The following CDH13 variants were observed in gnomAD, a reference collection of about 807,000 sequenced individuals.
CDH13 encodes cadherin 13.
Under a neutral mutation model 63.8 loss-of-function variants are expected in CDH13, and 24 were observed. That is an observed-to-expected ratio of 0.38 (90% CI 0.27 to 0.53). The LOEUF is 0.53. Among genes scored for constraint, CDH13 ranks in the 20% least tolerant of loss-of-function variants. The pLI, the probability that CDH13 is intolerant of heterozygous loss-of-function variation, is 0.85. For missense variants in CDH13, 1,049 were observed against 903.1 expected (o/e 1.16, Z -2.07); for synonymous variants, 503 against 355.3 (o/e 1.42, Z -4.67).
intron 5 of CDH13, among the ~76,000 whole-genome samples, chr16:83,274,774 C>A (rs1270758847): frequency 1.3e-5 from 2 of 152,216 alleles, no homozygotes; most frequent in Middle Eastern, 3.4e-3. Flanking sequence ...CACGCCAGAT[C>A]TACTACTAAG....
intron 2 of CDH13, among the ~76,000 whole-genome samples, chr16:82,962,831 A>G (rs745771546): frequency 6.6e-6 from 1 of 152,210 alleles, no homozygotes; most frequent in Non-Finnish European, 1.5e-5. Context: ...TGAAATAGAA[A>G]CAAACTTAAA....
chr16:83,331,680 T>C (rs2090483402), intron 5 of CDH13, among the ~76,000 whole-genome samples: 2 of 152,242 alleles, frequency 1.3e-5, no homozygotes, highest in Admixed American at 1.3e-4. Context: ...ATAATCTTGA[T>C]AGTGGAATGC....
chr16:83,127,847 C>T (rs1215895781), intron 4 of CDH13, among the ~76,000 whole-genome samples: 1 of 152,172 alleles, frequency 6.6e-6, no homozygotes, highest in Non-Finnish European at 1.5e-5. Flanking sequence ...ATACCTTTCT[C>T]TAAGCAAAAA....
chr16:82,671,145 G>A (rs7190356), intron 1 of CDH13, among the ~76,000 whole-genome samples: 44,809 of 152,142 alleles, frequency 0.29, 6,654 homozygotes, highest in East Asian at 0.39. Flanking sequence ...AGTCTGTGCA[G>A]TGCTACAGCT....
chr16:83,395,658 G>A (rs545877776), intron 6 of CDH13, among the ~76,000 whole-genome samples: 2 of 152,318 alleles, frequency 1.3e-5, no homozygotes, highest in African/African-American at 4.8e-5. Context: ...ATGTAGGTCA[G>A]TAGTGATAGC....
chr16:83,118,216 T>G (rs1261883614), intron 3 of CDH13, among the ~76,000 whole-genome samples: 1 of 152,044 alleles, frequency 6.6e-6, no homozygotes, highest in Non-Finnish European at 1.5e-5. Flanking sequence ...AGAACCTCAC[T>G]CTCCTCTGCA....
chr16:83,052,801 A>AAAAAAAAAAAAAAAAGAAAGAAAG (rs1555571697), intron 3 of CDH13, among the ~76,000 whole-genome samples: 3 of 122,644 alleles, frequency 2.4e-5, no homozygotes, highest in African/African-American at 1.0e-4. Flanking sequence ...AAAAAAAAAA[A>AAAAAAAAAAAAAAAAGAAAGAAAG]AAAGAAAGAA....
At chr16:83,329,481 GC>G (rs2090437374) in intron 5 of CDH13, among the ~76,000 whole-genome samples, 1 of 151,722 alleles carries the variant, frequency 6.6e-6, no homozygotes, top group Admixed American at 6.6e-5. Context: ...AGGTGATGTG[GC>G]CACCTCGATC....
intron 3 of CDH13, among the ~76,000 whole-genome samples, chr16:83,094,363 C>T (rs944595388): frequency 1.3e-5 from 2 of 152,110 alleles, no homozygotes; most frequent in African/African-American, 4.8e-5. Context: ...TATTTTCACG[C>T]CTGAAAGATG....
intron 3 of CDH13, among the ~76,000 whole-genome samples, chr16:83,093,435 C>T (rs2034029917): frequency 1.3e-5 from 2 of 149,024 alleles, no homozygotes; most frequent in South Asian, 4.3e-4. Context: ...TCTCCTGCCT[C>T]AGCCTACTGA....
intron 2 of CDH13, among the ~76,000 whole-genome samples, chr16:82,965,563 A>G (rs911964928): frequency 1.3e-5 from 2 of 152,090 alleles, no homozygotes; most frequent in Non-Finnish European, 2.9e-5. Flanking sequence ...ATGCAGTCTC[A>G]CTCTGCCACC....
intron 2 of CDH13, among the ~76,000 whole-genome samples, chr16:82,914,235 G>A (rs2041917610): frequency 6.6e-6 from 1 of 152,046 alleles, no homozygotes; most frequent in East Asian, 1.9e-4. Flanking sequence ...GCCCCTCCCA[G>A]GGCCCATTTG....
intron 1 of CDH13, among the ~76,000 whole-genome samples, chr16:82,672,802 T>TAC (rs71146083): frequency 2.6e-3 from 222 of 85,776 alleles, no homozygotes; most frequent in African/African-American, 7.7e-3. Context: ...CACACACACA[T>TAC]ACACACACAC....
intron 6 of CDH13, among the ~76,000 whole-genome samples, chr16:83,460,089 AAG>A (rs1567687537): frequency 6.6e-6 from 1 of 152,228 alleles, no homozygotes; most frequent in East Asian, 1.9e-4. Flanking sequence ...AAAAATAACT[AAG>A]AGATAAAAAC....
chr16:82,864,621 T>G (rs1396622444), intron 2 of CDH13, among the ~76,000 whole-genome samples: 1 of 152,158 alleles, frequency 6.6e-6, no homozygotes. Flanking sequence ...TACCTCCAGC[T>G]GGTCACCCCC....
intron 4 of CDH13, among the ~76,000 whole-genome samples, chr16:83,146,155 C>T (rs2036738331): frequency 1.4e-5 from 2 of 142,526 alleles, no homozygotes; most frequent in South Asian, 4.4e-4. Flanking sequence ...GATTGTGCCA[C>T]TGCACTCCAG....
chr16:83,357,399 C>T (rs2151381614), intron 6 of CDH13, among the ~76,000 whole-genome samples: 1 of 152,272 alleles, frequency 6.6e-6, no homozygotes, highest in African/African-American at 2.4e-5. Flanking sequence ...TGTGATGCAC[C>T]ATTCAAAAAT....
intron 3 of CDH13, among the ~76,000 whole-genome samples, chr16:83,120,321 G>C (rs138809015): frequency 6.6e-6 from 1 of 152,202 alleles, no homozygotes; most frequent in Non-Finnish European, 1.5e-5. Context: ...ACCAGAGGTA[G>C]GATGGGGATG....
At chr16:83,046,394 T>A (rs1403332424) in intron 3 of CDH13, among the ~76,000 whole-genome samples, 1 of 152,158 alleles carries the variant, frequency 6.6e-6, no homozygotes, top group African/African-American at 2.4e-5. Context: ...TGGCAAACAC[T>A]TATTTTTCTT....
Sources: gnomAD v4.1 joint callset for allele counts (sites outside exome capture counted in the v4.1 genomes callset) on GRCh38, gnomAD v4.1.1 for gene constraint, MANE v1.5 for transcripts, NCBI Gene and HGNC (gene_info 2026-07-23, HGNC 2026-07-21) for gene names.